NR1D1: variants seen among roughly 807,000 people sequenced by gnomAD.
NR1D1 encodes nuclear receptor subfamily 1 group D member 1, also known as Rev-ErbAalpha.
In NR1D1, 17 loss-of-function variants were observed where a neutral mutation model predicts 51.1. That is an observed-to-expected ratio of 0.33 (90% confidence interval 0.23 to 0.50). NR1D1 has a LOEUF of 0.50. NR1D1 is among the 20% of genes least tolerant of loss of function. NR1D1 has a pLI of 0.98. For missense variants in NR1D1, 647 were observed against 830.4 expected (o/e 0.78, Z 2.71); for synonymous variants, 341 against 333.4 (o/e 1.02, Z -0.25).
In NR1D1 at chr17:40,093,387, C is replaced by A. The variant is rs770057073; in HGVS notation, c.1646-105G>T. On this transcript the variant is annotated intron_variant, in intron 7 of 7. Transcript: ENST00000246672. This position sits in a 1 kb window ranked among gnomAD's most constrained non-coding sequence, Gnocchi z 5.9. ...GGCAATGCAGCCTCTCCCTGAAGCC[C>A]CCCAGAAGGCCGATGGGGAAGGAGA... The A allele has an allele frequency of 1.2e-6, 2 of 1,607,638 alleles. No individual in the cohort carries two copies. Among genetic ancestry groups the A allele is most frequent in the Non-Finnish European group, 1.7e-6 (2 of 1,176,704 alleles).
chr17:40,098,195 C>T (rs1050434896), intron 1 of NR1D1, among the ~76,000 whole-genome samples: 1 of 152,162 alleles, frequency 6.6e-6, no homozygotes, highest in African/African-American at 2.4e-5. Flanking sequence ...GCTGTGCTCC[C>T]GTGGTATTAG....
chr17:40,093,488 A>G lies in NR1D1; in HGVS notation c.1646-206T>C, dbSNP rs1014185686. Reference sequence around the variant, plus strand: ...TGAAAGCTGGGAGCGTGGGCTCAGCAGGGCTGGTCACCTCCCATCCCGTAA... The same window carrying G: ...TGAAAGCTGGGAGCGTGGGCTCAGCGGGGCTGGTCACCTCCCATCCCGTAA... On this transcript the variant is annotated intron_variant, in intron 7 of 7. Coordinates refer to ENST00000246672, the MANE Select transcript of NR1D1 (RefSeq NM_021724.5). This position sits in a 1 kb window ranked among gnomAD's most constrained non-coding sequence, Gnocchi z 5.9. 1.8e-5 allele frequency: 26 copies of G among 1,457,866 alleles called. No individual in the cohort carries two copies. The highest frequency in any genetic ancestry group is 2.4e-5 in the Non-Finnish European group (26 of 1,098,788). The allele number at this position is 1,457,866 out of a possible 1,614,324, so 90.3% of individuals were successfully genotyped here. A position where few individuals can be genotyped will look rare whatever the true frequency, so the allele number is the denominator to read the frequency against.
At position 40,095,065 on chromosome 17, in the gene NR1D1, A is replaced by T; in HGVS notation, c.1304T>A (p.Ile435Asn). 6.2e-7 allele frequency: 1 copy of T among 1,614,088 alleles called. No individual in the cohort carries two copies. The highest frequency in any genetic ancestry group is 8.5e-7 in the Non-Finnish European group (1 of 1,180,032). Residue 435 changes from isoleucine (I) to asparagine (N), a missense_variant, in exon 6 of 8, where the codon ATC becomes AAC. Coordinates refer to ENST00000246672, the MANE Select transcript of NR1D1 (RefSeq NM_021724.5). ...HGRSGRTVQE[I>N]WEDFSMSFTP... ...GAAGCTCATGGAGAAATCCTCCCAG[A>T]TCTCCTGCACCGTTCGCCCACTGCG...
chr17:40,095,818 C>G lies in NR1D1; in HGVS notation c.874G>C (p.Val292Leu), dbSNP rs377719900. ...AAGATCTCTCGATGGGCCCGGGCCA[C>G]CTGGGATATCACATCCTCCACTGTG... ...EPTVEDVISQ[V>L]ARAHREIFTY... The change falls in exon 5 of 8, where the codon GTG becomes CTG. Residue 292 changes from valine to leucine, a missense_variant. By Grantham distance (32) the Val-to-Leu change is conservative. Around this residue, in one of 7 missense-constraint regions of NR1D1, gnomAD observed 51 missense variants for 75.9 expected, o/e 0.67. Transcript: ENST00000246672. 6.2e-7 allele frequency: 1 copy of G among 1,613,668 alleles called. No homozygotes were observed. Among genetic ancestry groups the G allele is most frequent in the Non-Finnish European group, 8.5e-7 (1 of 1,179,924 alleles).
chr17:40,096,672 T>A lies in NR1D1; in HGVS notation c.459+19A>T. The A allele has an allele frequency of 6.2e-7, 1 of 1,614,118 alleles. No homozygotes were observed. The highest frequency in any genetic ancestry group is 8.5e-7 in the Non-Finnish European group (1 of 1,179,966). On this transcript the variant is annotated intron_variant, in intron 3 of 7. Transcript: ENST00000246672. ...GGAGGGGGCCACCTGCCCCTGCCCT[T>A]ACCCCCAGTCCGCCTCACCTTGCAG... is the stretch of plus-strand genomic sequence containing the variant.
Position 40,095,471 on chromosome 17 carries a change from C to T in NR1D1, c.1221G>A (p.Arg407=). 1.3e-6 allele frequency: 2 copies of T among 1,539,554 alleles called. No individual in the cohort carries two copies. The highest frequency in any genetic ancestry group is 1.8e-6 in the Non-Finnish European group (2 of 1,142,384). ...GCAGAACATTCTTTGAGTTGCCCTG[C>T]CGGGGACTGTTGGCAGGTGCCTTGC... is the stretch of plus-strand genomic sequence containing the variant. The part of the protein sequence containing the change: ...PEGKAPANSP[R]QGNSKNVLLA... Residue 407 remains arginine, a synonymous_variant, in exon 5 of 8, where the codon CGG becomes CGA. Coordinates refer to ENST00000246672, the MANE Select transcript of NR1D1 (RefSeq NM_021724.5).
intron 4 of NR1D1, 108 bp downstream of exon 4, chr17:40,096,335 T>C: frequency 6.6e-7 from 1 of 1,515,946 alleles, no homozygotes; most frequent in Non-Finnish European, 9.1e-7. Context: ...CCCTGGCACA[T>C]GTGATTCACA....
rs1223195872 is a variant in NR1D1, at chr17:40,093,190, A to C, written c.1738T>G (p.Leu580Val). The C allele has an allele frequency of 6.2e-7, 1 of 1,613,742 alleles. No homozygotes were observed. The highest frequency in any genetic ancestry group is 1.3e-5 in the African/African-American group (1 of 74,912). ...AGCTTGGTGAAGCGGGAAGTCTCCA[A>C]GGGCCGGTTCTTCAGCACCAGAGCC... ...LRALVLKNRP[L>V]ETSRFTKLLL... The change falls in exon 8 of 8, where the codon TTG (leucine) becomes GTG (valine). Residue 580 changes from leucine (L) to valine (V), a missense_variant. Coordinates refer to ENST00000246672, the MANE Select transcript of NR1D1 (RefSeq NM_021724.5). This position sits in a 1 kb window ranked among gnomAD's most constrained non-coding sequence, Gnocchi z 5.9.
In NR1D1 at chr17:40,094,066, G is replaced by A. The variant is rs2145098644; in HGVS notation, c.1491C>T (p.Phe497=). The A allele has an allele frequency of 2.5e-6, 4 of 1,614,018 alleles. No individual in the cohort carries two copies. Among genetic ancestry groups the A allele is most frequent in the East Asian group, 2.2e-5 (1 of 44,886 alleles). ...LFNVKDQTVM[F]LSRTTYSLQE... ...GCAGGCTGTAGGTGGTGCGGCTTAGGAACATCACTGTCTGGTCCTTCACGT... is the reference window on the plus strand; with the variant it reads ...GCAGGCTGTAGGTGGTGCGGCTTAGAAACATCACTGTCTGGTCCTTCACGT... The change falls in exon 7 of 8, where the codon TTC becomes TTT. Residue 497 remains phenylalanine (F), a synonymous_variant. Transcript: ENST00000246672.
intron 1 of NR1D1, among the ~76,000 whole-genome samples, chr17:40,098,319 A>G (rs1987804356): frequency 6.6e-6 from 1 of 152,226 alleles, no homozygotes; most frequent in African/African-American, 2.4e-5. Flanking sequence ...AACACATGCC[A>G]TGCCACTGTG....
intron 1 of NR1D1, among the ~76,000 whole-genome samples, 172 bp from the exon 2 acceptor site, chr17:40,097,575 G>C (rs1256987286): frequency 6.6e-6 from 1 of 152,176 alleles, no homozygotes; most frequent in Admixed American, 6.5e-5. Context: ...AGTAGACATG[G>C]CATGGCCAAG....
chr17:40,095,025 C>T lies in NR1D1; in HGVS notation c.1344G>A (p.Arg448=), dbSNP rs890642678. The change falls in exon 6 of 8, where the codon CGG becomes CGA. Residue 448 remains arginine, a synonymous_variant. Transcript: ENST00000246672. Reference sequence around the variant, plus strand: ...TGTGTTTGGCAAACTCTACCACCTCCCGCACAGCGGGCGTGAAGCTCATGG... The same window carrying T: ...TGTGTTTGGCAAACTCTACCACCTCTCGCACAGCGGGCGTGAAGCTCATGG... ...DFSMSFTPAV[R]EVVEFAKHIP... is the part of the protein sequence containing the mutation. 4.3e-6 allele frequency: 7 copies of T among 1,614,036 alleles called. No homozygotes were observed. The Admixed American group carries it at 8.3e-5, about 19-fold the overall frequency.
intron 1 of NR1D1, among the ~76,000 whole-genome samples, chr17:40,099,364 AT>A (rs1434721197): frequency 1.3e-5 from 2 of 152,194 alleles, no homozygotes; most frequent in Non-Finnish European, 2.9e-5. Context: ...GGCGGAGCTC[AT>A]TATGTAACGA....
chr17:40,098,322 C>T (rs1987804509), intron 1 of NR1D1, among the ~76,000 whole-genome samples: 1 of 152,194 alleles, frequency 6.6e-6, no homozygotes, highest in Non-Finnish European at 1.5e-5. Context: ...ACATGCCATG[C>T]CACTGTGTCT....
At chr17:40,096,394 A>G (rs1255080162) in intron 4 of NR1D1, 49 bp downstream of exon 4, 3 of 1,612,414 alleles carry the variant, frequency 1.9e-6, no homozygotes, top group Non-Finnish European at 2.5e-6. Flanking sequence ...GGATTAATTC[A>G]GAAACTTTGG....
rs1987663134 is a variant in NR1D1 at position 40,093,353 on chromosome 17, G to T, written c.1646-71C>A. On this transcript the variant is annotated intron_variant, in intron 7 of 7. Transcript: ENST00000246672. The surrounding 1 kb of genome is among the most constrained non-coding windows in gnomAD (Gnocchi z 5.9). ...TGAGGAGGAACCGGAGGTCTGCGAG[G>T]ACCTGGCAGGCAATGCAGCCTCTCC... is the stretch of plus-strand genomic sequence containing the variant. The T allele has an allele frequency of 1.2e-6, 2 of 1,612,444 alleles. No individual in the cohort carries two copies. The highest frequency in any genetic ancestry group is 1.7e-5 in the Admixed American group (1 of 60,004).
At chr17:40,096,402 T>C (rs202136675) in intron 4 of NR1D1, 41 bp downstream of exon 4, 6 of 1,613,014 alleles carry the variant, frequency 3.7e-6, no homozygotes, top group Admixed American at 3.3e-5. Flanking sequence ...TCAGAAACTT[T>C]GGGCGGAAGA....
intron 1 of NR1D1, among the ~76,000 whole-genome samples, chr17:40,099,651 G>A (rs1045979675): frequency 6.6e-6 from 1 of 152,088 alleles, no homozygotes; most frequent in African/African-American, 2.4e-5. Flanking sequence ...GCGCCTGCAG[G>A]AACTAGAGGA....
At position 40,095,707 on chromosome 17, in the gene NR1D1, G is replaced by A. The variant is rs200181911; in HGVS notation, c.985C>T (p.His329Tyr). ...ASGSPPATTP[H>Y]RWENQGCPPA... ...GGGCAGCCCTGATTTTCCCAGCGATGTGGGGTGGTGGCTGGAGGGCTACCT... is the reference window on the plus strand; with the variant it reads ...GGGCAGCCCTGATTTTCCCAGCGATATGGGGTGGTGGCTGGAGGGCTACCT... The change falls in exon 5 of 8, where the codon CAT (histidine) becomes TAT (tyrosine). Residue 329 changes from histidine (H) to tyrosine (Y), a missense_variant. This residue lies in a region of NR1D1 where 185 missense variants were observed against 176.3 expected (regional missense o/e 1.05). Coordinates refer to ENST00000246672, the MANE Select transcript of NR1D1 (RefSeq NM_021724.5). The A allele has an allele frequency of 2.5e-6, 4 of 1,613,494 alleles. No homozygotes were observed. Among genetic ancestry groups the A allele is most frequent in the African/African-American group, 1.3e-5 (1 of 75,040 alleles).
Sources: allele counts gnomAD v4.1 joint callset (sites outside exome capture counted in the v4.1 genomes callset), GRCh38; gene constraint gnomAD v4.1.1; regional missense constraint gnomAD v4.1.1; non-coding constraint Gnocchi (gnomAD v3.1); transcripts MANE v1.5; gene names NCBI Gene and HGNC (gene_info 2026-07-23, HGNC 2026-07-21).